RGS5: variants seen among roughly 807,000 people sequenced by gnomAD.
The protein encoded by RGS5 is regulator of G-protein signalling 5.
A neutral mutation model predicts 18.9 loss-of-function variants in RGS5; 20 were observed. The observed-to-expected ratio is 1.06, with a 90% CI of 0.74 to 1.54. The LOEUF is 1.54. RGS5 is among the 40% of genes most tolerant of loss of function. The pLI is 0.00. For synonymous variants in RGS5, 57 were observed against 76.2 expected (o/e 0.75, Z 1.31); for missense variants, 201 against 211.8 (o/e 0.95, Z 0.32).
At chr1:163,317,042 C>T (rs898809094) in intron 1 of RGS5, among the ~76,000 whole-genome samples, 3 of 152,046 alleles carry the variant, frequency 2.0e-5, no homozygotes, top group Non-Finnish European at 4.4e-5. Flanking sequence ...TGTAAGTATG[C>T]AAAGAATCCA....
intron 4 of RGS5, among the ~76,000 whole-genome samples, chr1:163,151,571 C>T (rs1229062384): frequency 6.6e-6 from 1 of 152,110 alleles, no homozygotes; most frequent in Non-Finnish European, 1.5e-5. Context: ...GGGGCAGTTT[C>T]CCTTATACTG....
intron 1 of RGS5, among the ~76,000 whole-genome samples, chr1:163,311,314 A>C (rs189476947): frequency 7.9e-5 from 12 of 152,322 alleles, no homozygotes; most frequent in Admixed American, 2.6e-4. Flanking sequence ...AACTTTCTCC[A>C]TATCAGCAAT....
At chr1:163,168,020 A>G (rs1658127480) in intron 2 of RGS5, among the ~76,000 whole-genome samples, 1 of 152,184 alleles carries the variant, frequency 6.6e-6, no homozygotes, top group Non-Finnish European at 1.5e-5. Context: ...TCTCAAAAAT[A>G]AGGCAGAGTC....
chr1:163,147,918 C>CTTTTTTTTCTTTTTTTTTTTTT (rs3065035), intron 4 of RGS5, among the ~76,000 whole-genome samples: 145 of 78,104 alleles, frequency 1.9e-3, no homozygotes, highest in African/African-American at 2.4e-3. Context: ...TTTTCTTTTT[C>CTTTTTTTTCTTTTTTTTTTTTT]TTTTTTTTTT....
At chr1:163,180,686 GTTTTTTTTTTT>G (rs1026995196) in intron 1 of RGS5, among the ~76,000 whole-genome samples, 2 of 61,964 alleles carry the variant, frequency 3.2e-5, no homozygotes, top group Non-Finnish European at 6.0e-5. Context: ...CCCTTACCCT[GTTTTTTTTTTT>G]TTTTTTTTTT....
chr1:163,149,762 C>T (rs1211075958), intron 4 of RGS5, among the ~76,000 whole-genome samples: 1 of 152,044 alleles, frequency 6.6e-6, no homozygotes, highest in African/African-American at 2.4e-5. Flanking sequence ...TTCAGAGCAA[C>T]AAAATTCAGA....
intron 3 of RGS5, among the ~76,000 whole-genome samples, chr1:163,154,895 A>G (rs1431247782): frequency 1.3e-5 from 2 of 149,792 alleles, no homozygotes; most frequent in East Asian, 3.9e-4. Flanking sequence ...AGCCTATTAT[A>G]TATAGATATA....
At chr1:163,286,742 A>G (rs1649155966) in intron 2 of RGS5, among the ~76,000 whole-genome samples, 2 of 151,768 alleles carry the variant, frequency 1.3e-5, no homozygotes, top group South Asian at 4.1e-4. Context: ...CTCAATACTC[A>G]TTGTCTTTAA....
intron 2 of RGS5, among the ~76,000 whole-genome samples, chr1:163,247,193 A>G (rs886813099): frequency 1.3e-5 from 2 of 152,236 alleles, no homozygotes; most frequent in South Asian, 2.1e-4. Context: ...CACACAATTT[A>G]TCCACGTAAC....
chr1:163,155,632 C>T (rs186117441), intron 3 of RGS5, among the ~76,000 whole-genome samples: 7 of 152,228 alleles, frequency 4.6e-5, no homozygotes, highest in Middle Eastern at 3.4e-3. Flanking sequence ...CCTATCACCC[C>T]TGCGGACAAC....
At chr1:163,251,245 G>T (rs1017928162) in intron 2 of RGS5, among the ~76,000 whole-genome samples, 1 of 151,908 alleles carries the variant, frequency 6.6e-6, no homozygotes, top group Non-Finnish European at 1.5e-5. Context: ...GAAGAATATT[G>T]GTTTCTCAGT....
At chr1:163,256,891 T>A (rs1648288153) in intron 2 of RGS5, among the ~76,000 whole-genome samples, 1 of 152,196 alleles carries the variant, frequency 6.6e-6, no homozygotes, top group African/African-American at 2.4e-5. Context: ...ACAACTTGTT[T>A]AAGTGAATCA....
At chr1:163,262,360 A>G (rs866230787) in intron 2 of RGS5, among the ~76,000 whole-genome samples, 1 of 89,508 alleles carries the variant, frequency 1.1e-5, no homozygotes, top group Non-Finnish European at 2.3e-5. Flanking sequence ...TCCTGTGTCC[A>G]TGTGATCTCA....
chr1:163,299,795 C>T (rs78346576), intron 2 of RGS5, among the ~76,000 whole-genome samples: 3,008 of 152,242 alleles, frequency 0.02, 51 homozygotes, highest in Admixed American at 0.041. Flanking sequence ...AAAATCATTT[C>T]GATCAAGTAG....
chr1:163,318,522 C>T (rs755721680), intron 1 of RGS5, among the ~76,000 whole-genome samples: 2 of 151,982 alleles, frequency 1.3e-5, no homozygotes, highest in East Asian at 1.9e-4. Flanking sequence ...TCCCGAAAGT[C>T]GGAACTTCAA....
At chr1:163,204,653 T>G (rs1195607939), upstream of RGS5, among the ~76,000 whole-genome samples, 1 of 152,202 alleles carries the variant, frequency 6.6e-6, no homozygotes, top group African/African-American at 2.4e-5. Flanking sequence ...CTGTAAATAC[T>G]GAATGAGTTA....
intron 2 of RGS5, among the ~76,000 whole-genome samples, chr1:163,234,308 GA>G (rs1237816325): frequency 6.6e-6 from 1 of 152,074 alleles, no homozygotes; most frequent in African/African-American, 2.4e-5. Flanking sequence ...CTATTGAGAT[GA>G]TAATATTTTT....
intron 1 of RGS5, among the ~76,000 whole-genome samples, chr1:163,195,829 C>T (rs1209264025): frequency 1.3e-5 from 2 of 151,816 alleles, no homozygotes; most frequent in African/African-American, 4.8e-5. Flanking sequence ...TAATAGGGGT[C>T]CTTCTACTAA....
chr1:163,316,387 ATG>A (rs749561564), intron 1 of RGS5, among the ~76,000 whole-genome samples: 4 of 152,226 alleles, frequency 2.6e-5, no homozygotes, highest in Admixed American at 6.5e-5. Flanking sequence ...TTAATATAAA[ATG>A]TGTGTTCATA....
Sources: allele counts gnomAD v4.1 joint callset (sites outside exome capture counted in the v4.1 genomes callset), GRCh38; gene constraint gnomAD v4.1.1; transcripts MANE v1.5; gene names NCBI Gene and HGNC (gene_info 2026-07-23, HGNC 2026-07-21).